Variants in NPAS3 observed in about 807,000 individuals in gnomAD.
NPAS3 encodes the protein neuronal PAS domain-containing protein 3.
A neutral mutation model predicts 73.1 loss-of-function variants in NPAS3; 14 were observed. The observed-to-expected ratio is 0.19, with a 90% CI of 0.13 to 0.30. The LOEUF (loss-of-function observed/expected upper bound fraction) is 0.30, where lower values mean the gene tolerates loss of function less well. NPAS3 is among the 10% of genes least tolerant of loss of function. The pLI, the probability that NPAS3 is intolerant of heterozygous loss-of-function variation, is 1.00. For missense variants in NPAS3, 1,096 were observed against 1,250.0 expected, an observed-to-expected ratio of 0.88 and a Z score of 1.86; for synonymous variants, 620 against 541.5, an observed-to-expected ratio of 1.14 and a Z score of -2.01.
At chr14:33,528,094 C>A (rs7149603) in intron 4 of NPAS3, among the ~76,000 whole-genome samples, 67,885 of 151,898 alleles carry the variant, frequency 0.45, 18,351 homozygotes, top group African/African-American at 0.77. Flanking sequence ...AAAATTCATC[C>A]TATAGGTGAA....
At chr14:33,211,612 A>G (rs762156660) in intron 2 of NPAS3, among the ~76,000 whole-genome samples, 1 of 152,222 alleles carries the variant, frequency 6.6e-6, no homozygotes, top group Non-Finnish European at 1.5e-5. Flanking sequence ...GTGATGGACT[A>G]CATTTGAGAA....
intron 1 of NPAS3, among the ~76,000 whole-genome samples, chr14:32,952,693 A>G (rs949557135): frequency 1.3e-5 from 2 of 152,146 alleles, no homozygotes; most frequent in African/African-American, 2.4e-5. Flanking sequence ...ATTGCTAACC[A>G]TATTTTTCTG....
At chr14:33,195,255 GGTTTTTTTTT>G (rs1476612569) in intron 2 of NPAS3, among the ~76,000 whole-genome samples, 1 of 151,964 alleles carries the variant, frequency 6.6e-6, no homozygotes. Context: ...TTTAAAAAAG[GGTTTTTTTTT>G]GTTTTGTTTT....
In NPAS3 at chr14:33,018,335, A is replaced by G. The variant is rs187026889; in HGVS notation, c.51-37570A>G. 7.9e-5 allele frequency among the ~76,000 whole-genome samples: 12 copies of G among 152,282 alleles called. No homozygotes were observed. The East Asian group carries it at 1.7e-3, about 22-fold the overall frequency. ...AGGGGTAGAAGTGATGGGAAGTCCA[A>G]TTTGACCTTTACATTTTTGCTGACC... On this transcript the variant is annotated intron_variant, in intron 1 of 11. Transcript: ENST00000356141.
chr14:33,413,365 C>T (rs1333990454), intron 4 of NPAS3, among the ~76,000 whole-genome samples: 1 of 151,936 alleles, frequency 6.6e-6, no homozygotes, highest in Non-Finnish European at 1.5e-5. Flanking sequence ...AGGGCACGGC[C>T]CCACTTGTGT....
intron 5 of NPAS3, among the ~76,000 whole-genome samples, chr14:33,650,391 G>A (rs2058956418): frequency 6.6e-6 from 1 of 152,104 alleles, no homozygotes; most frequent in African/African-American, 2.4e-5. Flanking sequence ...ATCAGCCTTT[G>A]CCCTTTGTAG....
At chr14:33,207,182 A>G (rs1420962440) in intron 2 of NPAS3, among the ~76,000 whole-genome samples, 1 of 151,620 alleles carries the variant, frequency 6.6e-6, no homozygotes, top group African/African-American at 2.4e-5. Context: ...GGGATGAACA[A>G]TACAGATTAA....
At chr14:33,697,501 T>C (rs17101731) in intron 6 of NPAS3, among the ~76,000 whole-genome samples, 27,211 of 152,076 alleles carry the variant, frequency 0.18, 2,591 homozygotes, top group East Asian at 0.27. Context: ...TTGGGGGCAA[T>C]GTGTTTATGG....
chr14:33,485,849 T>C (rs903353406), intron 4 of NPAS3, among the ~76,000 whole-genome samples: 3 of 151,540 alleles, frequency 2.0e-5, no homozygotes, highest in Non-Finnish European at 4.4e-5. Context: ...ATTTTTTTTT[T>C]CACCTTCTCT....
At chr14:33,713,952 G>C (rs775589626) in intron 6 of NPAS3, among the ~76,000 whole-genome samples, 2 of 151,940 alleles carry the variant, frequency 1.3e-5, no homozygotes, top group African/African-American at 4.8e-5. Context: ...CTGGACTCTT[G>C]TACAGGCTGT....
chr14:33,165,868 T>G (rs1029621430), intron 2 of NPAS3, among the ~76,000 whole-genome samples: 6 of 152,216 alleles, frequency 3.9e-5, no homozygotes, highest in African/African-American at 1.4e-4. Flanking sequence ...GCATGTTGGT[T>G]TGATTTCTGT....
At chr14:33,654,735 G>A (rs2059095127) in intron 5 of NPAS3, among the ~76,000 whole-genome samples, 1 of 152,084 alleles carries the variant, frequency 6.6e-6, no homozygotes, top group Admixed American at 6.5e-5. Context: ...GATTTCTATG[G>A]GGCTTCTTTC....
intron 2 of NPAS3, among the ~76,000 whole-genome samples, chr14:33,155,246 T>C (rs1319992212): frequency 3.3e-5 from 5 of 152,228 alleles, no homozygotes; most frequent in African/African-American, 4.8e-5. Flanking sequence ...CTCAAGCTTT[T>C]GTGTTGATGG....
intron 4 of NPAS3, among the ~76,000 whole-genome samples, chr14:33,447,082 G>A (rs559957130): frequency 1.3e-5 from 2 of 152,356 alleles, no homozygotes; most frequent in East Asian, 3.9e-4. Context: ...TCTGTGGAGA[G>A]AGAGATAGAC....
At chr14:32,939,313 G>T, upstream of NPAS3, 1 of 730,178 alleles carries the variant, frequency 1.4e-6, no homozygotes, top group South Asian at 1.4e-5. Flanking sequence ...AAAATAGCAG[G>T]AAGATGGCGC....
intron 2 of NPAS3, among the ~76,000 whole-genome samples, chr14:33,180,798 CCAAG>C (rs1297746089): frequency 9.5e-5 from 3 of 31,556 alleles, no homozygotes; most frequent in Admixed American, 4.3e-4. Flanking sequence ...GACACTGTCT[CCAAG>C]AAAAAAAAAA....
At chr14:33,207,534 G>A (rs547769227) in intron 2 of NPAS3, among the ~76,000 whole-genome samples, 8 of 152,106 alleles carry the variant, frequency 5.3e-5, no homozygotes, top group Non-Finnish European at 1.0e-4. Context: ...TTATCCTCAA[G>A]AATTCTTTTT....
chr14:33,119,273 ATTTG>A (rs2043157595), intron 2 of NPAS3, among the ~76,000 whole-genome samples: 1 of 151,908 alleles, frequency 6.6e-6, no homozygotes, highest in African/African-American at 2.4e-5. Flanking sequence ...TTTTAAGAGG[ATTTG>A]TTTTTTTTCC....
chr14:33,081,260 A>G (rs2041855300), intron 2 of NPAS3, among the ~76,000 whole-genome samples: 1 of 152,246 alleles, frequency 6.6e-6, no homozygotes, highest in Admixed American at 6.5e-5. Flanking sequence ...ATGGTAGATG[A>G]GAAATCACTT....
Sources: gnomAD v4.1 joint callset for allele counts (sites outside exome capture counted in the v4.1 genomes callset) on GRCh38, gnomAD v4.1.1 for gene constraint, MANE v1.5 for transcripts, NCBI Gene and HGNC (gene_info 2026-07-23, HGNC 2026-07-21) for gene names.